ZNF423: variants seen among roughly 807,000 people sequenced by gnomAD.
The protein encoded by ZNF423 is zinc finger protein 423.
ZNF423 carries 12 observed loss-of-function variants against 95.8 expected under a neutral mutation model. The observed-to-expected ratio is 0.13, with a 90% CI of 0.08 to 0.20. ZNF423 has a LOEUF of 0.20. Among genes scored for constraint, ZNF423 ranks in the 10% least tolerant of loss-of-function variants. The pLI is 1.00. For synonymous variants in ZNF423, 749 were observed against 711.9 expected, an observed-to-expected ratio of 1.05 and a Z score of -0.83; for missense variants, 1,316 against 1,737.1, an observed-to-expected ratio of 0.76 and a Z score of 4.31.
chr16:49,601,610 C>T (rs963453534), intron 5 of ZNF423, among the ~76,000 whole-genome samples: 23 of 152,198 alleles, frequency 1.5e-4, no homozygotes, highest in African/African-American at 5.3e-4. Context: ...GGAGTCCAGG[C>T]TGTGGCTCGT....
intron 5 of ZNF423, among the ~76,000 whole-genome samples, chr16:49,575,143 C>T (rs1383603395): frequency 6.6e-6 from 1 of 152,154 alleles, no homozygotes; most frequent in Non-Finnish European, 1.5e-5. Context: ...GTGGCTCATT[C>T]ACGCGAACCC....
At chr16:49,525,615 T>G in intron 5 of ZNF423, 121 bp from the exon 6 acceptor site, 1 of 1,390,910 alleles carries the variant, frequency 7.2e-7, no homozygotes, top group Non-Finnish European at 9.8e-7. Flanking sequence ...CCGGGGCTGG[T>G]GAAGGGACTG....
intron 1 of ZNF423, chr16:49,822,769 C>G (rs2034960559): frequency 6.4e-7 from 1 of 1,568,416 alleles, no homozygotes; most frequent in South Asian, 1.2e-5. Context: ...TTTCTTATTG[C>G]AGGCTAGTAA....
chr16:49,692,375 C>G (rs1391770751), intron 3 of ZNF423, among the ~76,000 whole-genome samples: 2 of 152,120 alleles, frequency 1.3e-5, no homozygotes, highest in Non-Finnish European at 2.9e-5. Flanking sequence ...AGCACACAGC[C>G]CGATGCAGAG....
At chr16:49,606,070 C>T (rs1971526999) in intron 5 of ZNF423, among the ~76,000 whole-genome samples, 1 of 152,196 alleles carries the variant, frequency 6.6e-6, no homozygotes, top group South Asian at 2.1e-4. Flanking sequence ...CAGCCAGCGC[C>T]ATTGTCATAG....
intron 1 of ZNF423, among the ~76,000 whole-genome samples, chr16:49,815,909 TATA>T (rs2034844918): frequency 4.0e-4 from 17 of 42,208 alleles, no homozygotes; most frequent in South Asian, 2.4e-3. Flanking sequence ...TATATATATA[TATA>T]TATTTTTTTT....
At chr16:49,516,422 G>C (rs114132428) in intron 7 of ZNF423, among the ~76,000 whole-genome samples, 2,197 of 152,328 alleles carry the variant, frequency 0.014, 59 homozygotes, top group African/African-American at 0.05. Context: ...TCTGCTACAT[G>C]CTCTGTGTGC....
intron 1 of ZNF423, among the ~76,000 whole-genome samples, chr16:49,799,677 G>C (rs971255079): frequency 1.3e-5 from 2 of 152,206 alleles, no homozygotes; most frequent in Non-Finnish European, 2.9e-5. Context: ...CGGCAACTCT[G>C]CAGAAAGGTG....
intron 3 of ZNF423, among the ~76,000 whole-genome samples, chr16:49,727,097 T>C (rs542661270): frequency 6.6e-6 from 1 of 152,266 alleles, no homozygotes; most frequent in African/African-American, 2.4e-5. Flanking sequence ...GTTTGTGTCA[T>C]AAAAATGCAA....
At chr16:49,653,082 AT>A (rs1973473754) in intron 3 of ZNF423, among the ~76,000 whole-genome samples, 1 of 152,148 alleles carries the variant, frequency 6.6e-6, no homozygotes, top group Non-Finnish European at 1.5e-5. Context: ...TTTTTGGATA[AT>A]CCACATATTT....
intron 3 of ZNF423, among the ~76,000 whole-genome samples, chr16:49,703,156 C>G (rs882353): frequency 0.089 from 13,554 of 152,248 alleles, 1,022 homozygotes; most frequent in South Asian, 0.33. Flanking sequence ...ACAGGTGCAC[C>G]AGGACCAGAG....
At position 49,742,782 on chromosome 16, in the gene ZNF423, A is replaced by AC. The variant is rs1323123147; in HGVS notation, c.101-11812dup. Among the ~76,000 whole-genome samples, 4 of 151,784 alleles carry AC rather than the reference A, an allele frequency of 2.6e-5. No homozygotes were observed. In the East Asian group the frequency reaches 7.8e-4, roughly 29 times the overall value. ...AGGCTAGGATGCTGGGGCGCAAATC[A>AC]CCCCCCTTGTGGCTGCAAAAAAAGG... On this transcript the variant is annotated intron_variant, in intron 2 of 7. Coordinates refer to ENST00000563137, the MANE Select transcript of ZNF423 (RefSeq NM_001379286.1).
chr16:49,495,754 C>A (rs1321559156), intron 7 of ZNF423, among the ~76,000 whole-genome samples: 1 of 152,138 alleles, frequency 6.6e-6, no homozygotes. Context: ...GTTTTGCGCG[C>A]CCCAGGAGGG....
intron 2 of ZNF423, among the ~76,000 whole-genome samples, chr16:49,749,225 G>A (rs1479771815): frequency 6.6e-6 from 1 of 152,088 alleles, no homozygotes; most frequent in African/African-American, 2.4e-5. Flanking sequence ...GTGGGTGCAG[G>A]AAGGACCCAG....
intron 2 of ZNF423, 95 bp downstream of exon 2, chr16:49,789,392 A>C: frequency 3.2e-6 from 4 of 1,244,346 alleles, no homozygotes; most frequent in Non-Finnish European, 4.5e-6. Flanking sequence ...TGACACGAAG[A>C]ATATCATTTC....
intron 3 of ZNF423, among the ~76,000 whole-genome samples, chr16:49,650,989 T>G (rs564386259): frequency 5.3e-5 from 8 of 152,088 alleles, no homozygotes; most frequent in Non-Finnish European, 8.8e-5. Flanking sequence ...TTGTTGTTGT[T>G]GTTCCTTAAT....
At chr16:49,824,517 C>T (rs1267867069) in intron 1 of ZNF423, among the ~76,000 whole-genome samples, 2 of 152,108 alleles carry the variant, frequency 1.3e-5, no homozygotes, top group African/African-American at 4.8e-5. Flanking sequence ...GAGAGAGCTA[C>T]AGAGATGCTA....
In ZNF423 at chr16:49,626,206, T is replaced by A; in HGVS notation, c.3565A>T (p.Arg1189Ter). 1 of 1,614,048 alleles carries A rather than the reference T, an allele frequency of 6.2e-7. No individual in the cohort carries two copies. Among genetic ancestry groups the A allele is most frequent in the Non-Finnish European group, 8.5e-7 (1 of 1,179,952 alleles). Residue 1189 changes from arginine (R) to a stop codon, truncating the protein, a stop_gained, in exon 5 of 8, where the codon AGA becomes TGA. Coordinates refer to ENST00000563137, the MANE Select transcript of ZNF423 (RefSeq NM_001379286.1). LOFTEE classifies it high-confidence loss of function. Reference sequence around the variant, plus strand: ...TTGGCAACGTGGATTTGGATCTCTCTCTCGTTCTCGAAGGTCATCTGGCAC... The same window carrying A: ...TTGGCAACGTGGATTTGGATCTCTCACTCGTTCTCGAAGGTCATCTGGCAC... ...IKCQMTFENE[R>*]EIQIHVANHM...
At chr16:49,821,896 T>A (rs1345701203) in intron 1 of ZNF423, among the ~76,000 whole-genome samples, 2 of 152,196 alleles carry the variant, frequency 1.3e-5, no homozygotes, top group African/African-American at 4.8e-5. Flanking sequence ...CGGTGAGGTC[T>A]GCTGTGCACA....
Sources: gnomAD v4.1 joint callset for allele counts (sites outside exome capture counted in the v4.1 genomes callset) on GRCh38, gnomAD v4.1.1 for gene constraint, MANE v1.5 for transcripts, NCBI Gene and HGNC (gene_info 2026-07-23, HGNC 2026-07-21) for gene names.